SPACA6: variants seen among roughly 807,000 people sequenced by gnomAD.
SPACA6 encodes sperm acrosome associated 6, also known as sperm acrosome membrane-associated protein 6.
For missense variants in SPACA6, 8 were observed against 2.8 expected (o/e 2.88, Z -1.34); for synonymous variants, 6 against 1.5 (o/e 4.05, Z -2.21).
chr19:51,706,640 C>T (rs1008373081), downstream of SPACA6, among the ~76,000 whole-genome samples: 5 of 152,140 alleles, frequency 3.3e-5, no homozygotes, highest in African/African-American at 1.2e-4. Flanking sequence ...TCACCTTGTT[C>T]ACTGAGCTCA....
intron 3 of SPACA6, chr19:51,702,391 T>C (rs1009127457): frequency 1.3e-5 from 5 of 371,206 alleles, no homozygotes; most frequent in Middle Eastern, 6.9e-4. Flanking sequence ...TGTTTCCCTC[T>C]AAACCCCAAG....
chr19:51,693,408 C>T lies in SPACA6; in HGVS notation c.-119C>T. On this transcript the variant is annotated 5_prime_UTR_variant, in exon 1 of 9. Transcript: ENST00000637797. ...GACTCCTCATACCCTTCCTCCAGAG[C>T]ATGACATTTGACCACCAACTGAAAC... 2 of 660,820 alleles carry T rather than the reference C, an allele frequency of 3.0e-6. No homozygotes were observed. The highest frequency in any genetic ancestry group is 5.5e-5 in the East Asian group (2 of 36,664). 40.9% of individuals were successfully genotyped at this position (660,820 alleles called of 1,614,324 possible).
At chr19:51,694,946 T>G (rs1017731813) in intron 2 of SPACA6, among the ~76,000 whole-genome samples, 1 of 152,074 alleles carries the variant, frequency 6.6e-6, no homozygotes, top group Non-Finnish European at 1.5e-5. Flanking sequence ...CCTCCTAGGA[T>G]GGCCATGGAG....
At chr19:51,687,258 AATACATACATACATACATACATAC>A (rs34885908), upstream of SPACA6, 5 of 147,302 alleles carry the variant, frequency 3.4e-5, no homozygotes, top group East Asian at 2.1e-4. Flanking sequence ...CTCAAAAATA[AATACATACATACATACATACATAC>A]ATACATACAT....
chr19:51,686,424 T>A (rs1399557643), upstream of SPACA6: 1 of 152,002 alleles, frequency 6.6e-6, no homozygotes, highest in African/African-American at 2.4e-5. Context: ...CACAACAGGA[T>A]CAGGGCCAGG....
downstream of SPACA6, among the ~76,000 whole-genome samples, chr19:51,706,670 C>CT (rs66487452): frequency 0.081 from 11,873 of 146,616 alleles, 578 homozygotes; most frequent in African/African-American, 0.14. Flanking sequence ...AATGTTAACT[C>CT]TTTTTTTTTT....
chr19:51,687,311 A>G (rs904615633), upstream of SPACA6: 3 of 150,698 alleles, frequency 2.0e-5, no homozygotes, highest in Non-Finnish European at 4.4e-5. Context: ...ACATAAGCAA[A>G]TCTGTAAATA....
rs544795309 is a variant in SPACA6, at chr19:51,711,207, T to A, written n.200-826T>A. Among the ~76,000 whole-genome samples, 6 of 152,342 alleles carry A rather than the reference T, an allele frequency of 3.9e-5. No individual in the cohort carries two copies. The East Asian group carries it at 1.2e-3, about 29-fold the overall frequency. On this transcript the variant is annotated intron_variant and non_coding_transcript_variant, in intron 2 of 2. Transcript: ENST00000573896. ...TTGGTTTTAGCAACGTGGATATCAT[T>A]GATGAACTTGACAAGAGCAGTTTCT...
chr19:51,695,809 C>T (rs1290248952), intron 2 of SPACA6, among the ~76,000 whole-genome samples: 5 of 152,058 alleles, frequency 3.3e-5, no homozygotes, highest in African/African-American at 9.7e-5. Context: ...CAGGCCAGAG[C>T]GGAGGCCCGA....
downstream of SPACA6, among the ~76,000 whole-genome samples, chr19:51,705,924 A>G (rs4801887): frequency 0.29 from 44,819 of 151,950 alleles, 6,760 homozygotes; most frequent in South Asian, 0.38. Flanking sequence ...TTGAACTCCT[A>G]ACCTCAAGTG....
upstream of SPACA6, chr19:51,693,106 T>C (rs2083389939): frequency 2.7e-6 from 1 of 374,034 alleles, no homozygotes; most frequent in Non-Finnish European, 5.4e-6. Context: ...TTATTCTGGC[T>C]TTCTAGGTCT....
intron 1 of SPACA6, chr19:51,693,975 CAG>C (rs533908044): frequency 1.7e-4 from 60 of 354,016 alleles, no homozygotes; most frequent in Admixed American, 8.7e-4. Flanking sequence ...GATGGAGACT[CAG>C]AGAGGGGGAG....
At chr19:51,696,282 G>A (rs535134085) in intron 2 of SPACA6, among the ~76,000 whole-genome samples, 34 of 152,178 alleles carry the variant, frequency 2.2e-4, no homozygotes, top group Admixed American at 4.6e-4. Context: ...AGGAACAACC[G>A]CTGTGACCAA....
chr19:51,683,839 A>C, the SPACA6 span, among the ~76,000 whole-genome samples: 1 of 152,202 alleles, frequency 6.6e-6, no homozygotes, highest in Admixed American at 6.5e-5. Flanking sequence ...AGACATAGCT[A>C]GTAAAATGGC....
intron 3 of SPACA6, 179 bp from the exon 4 acceptor site, chr19:51,702,449 AG>A (rs1218027429): frequency 2.5e-6 from 1 of 392,278 alleles, no homozygotes; most frequent in Non-Finnish European, 4.5e-6. Flanking sequence ...TGGAATGCTC[AG>A]GCTTGGCCCC....
intron 2 of SPACA6, among the ~76,000 whole-genome samples, chr19:51,696,323 A>T (rs572086989): frequency 6.6e-6 from 1 of 152,280 alleles, no homozygotes; most frequent in South Asian, 2.1e-4. Flanking sequence ...CGGGTTGCTT[A>T]TATTGGGGTG....
downstream of SPACA6, among the ~76,000 whole-genome samples, chr19:51,708,586 G>A (rs575074669): frequency 4.1e-4 from 63 of 152,278 alleles, 1 homozygote; most frequent in African/African-American, 1.5e-3. Context: ...CAACACTTTG[G>A]GAGGCCGAGA....
At chr19:51,702,948 G>A in intron 4 of SPACA6, 73 bp from the exon 5 acceptor site, 2 of 399,168 alleles carry the variant, frequency 5.0e-6, no homozygotes, top group Non-Finnish European at 8.8e-6. Context: ...AAGCTGCATG[G>A]ATCTCAAATG....
upstream of SPACA6, among the ~76,000 whole-genome samples, chr19:51,690,307 C>G (rs1487150881): frequency 1.3e-5 from 2 of 152,072 alleles, no homozygotes; most frequent in Admixed American, 1.3e-4. Context: ...CTAACTCCTT[C>G]AAAACCCCAG....
Sources: allele counts gnomAD v4.1 joint callset (sites outside exome capture counted in the v4.1 genomes callset), GRCh38; gene constraint gnomAD v4.1.1; transcripts MANE v1.5; gene names NCBI Gene and HGNC (gene_info 2026-07-23, HGNC 2026-07-21).